DCC: variants seen among roughly 807,000 people sequenced by gnomAD.
DCC encodes the protein DCC netrin 1 receptor, also known as netrin receptor DCC.
In DCC, 58 loss-of-function variants were observed where a neutral mutation model predicts 172.5. The ratio of observed to expected loss-of-function variants is 0.34; its 90% CI spans 0.27 to 0.42. The LOEUF (loss-of-function observed/expected upper bound fraction) is 0.42, where lower values mean the gene tolerates loss of function less well. DCC is among the 10% of genes least tolerant of loss of function. The pLI is 1.00. For missense variants in DCC, 1,740 were observed against 1,791.0 expected, an observed-to-expected ratio of 0.97 and a Z score of 0.51; for synonymous variants, 709 against 644.5, an observed-to-expected ratio of 1.10 and a Z score of -1.52.
intron 15 of DCC, among the ~76,000 whole-genome samples, chr18:53,355,178 G>A (rs987723572): frequency 6.6e-6 from 1 of 151,984 alleles, no homozygotes; most frequent in Non-Finnish European, 1.5e-5. Flanking sequence ...GTTACTGTAG[G>A]CTTGTAGTAT....
chr18:53,498,248 G>A (rs1236064380), intron 26 of DCC, among the ~76,000 whole-genome samples: 2 of 152,182 alleles, frequency 1.3e-5, no homozygotes, highest in East Asian at 3.9e-4. Flanking sequence ...GAGCCTCCGG[G>A]AGACTTGTCT....
At chr18:52,850,631 C>A (rs529224476) in intron 2 of DCC, among the ~76,000 whole-genome samples, 1 of 152,186 alleles carries the variant, frequency 6.6e-6, no homozygotes, top group African/African-American at 2.4e-5. Context: ...TTTTTCCCCA[C>A]TTATTCCTTG....
At chr18:52,345,921 A>G (rs1415927475) in intron 1 of DCC, among the ~76,000 whole-genome samples, 2 of 152,206 alleles carry the variant, frequency 1.3e-5, no homozygotes, top group African/African-American at 2.4e-5. Flanking sequence ...AGTGAGCTCT[A>G]TAAGATAATA....
At chr18:53,497,758 T>C (rs978318476) in intron 26 of DCC, among the ~76,000 whole-genome samples, 4 of 152,226 alleles carry the variant, frequency 2.6e-5, no homozygotes, top group Admixed American at 2.0e-4. Context: ...ACCAAGGATT[T>C]GCCTTAATGG....
At chr18:53,121,946 T>C (rs2043489437) in intron 7 of DCC, among the ~76,000 whole-genome samples, 1 of 151,934 alleles carries the variant, frequency 6.6e-6, no homozygotes, top group Non-Finnish European at 1.5e-5. Context: ...CACTCAGTGA[T>C]AAATACCCTG....
intron 11 of DCC, among the ~76,000 whole-genome samples, chr18:53,210,000 C>T (rs2055722165): frequency 6.6e-6 from 1 of 152,212 alleles, no homozygotes; most frequent in African/African-American, 2.4e-5. Context: ...CAATAAACAT[C>T]ACTGTGCAAA....
chr18:52,389,455 G>C (rs1219385486), intron 1 of DCC, among the ~76,000 whole-genome samples: 1 of 152,062 alleles, frequency 6.6e-6, no homozygotes, highest in Non-Finnish European at 1.5e-5. Flanking sequence ...TAACGCAGTA[G>C]GTGGAGGCTA....
At chr18:53,394,463 T>A (rs1444165609) in intron 17 of DCC, among the ~76,000 whole-genome samples, 1 of 152,202 alleles carries the variant, frequency 6.6e-6, no homozygotes, top group East Asian at 1.9e-4. Flanking sequence ...TAAAACCCTG[T>A]ATTAACTTTC....
chr18:53,453,782 A>G (rs553118991), intron 23 of DCC, among the ~76,000 whole-genome samples: 43 of 152,280 alleles, frequency 2.8e-4, no homozygotes, highest in African/African-American at 9.4e-4. Flanking sequence ...CTTTAAATAT[A>G]ATGATAATTT....
chr18:53,309,940 ATATACATG>A (rs1165067744), intron 13 of DCC, among the ~76,000 whole-genome samples: 2 of 137,708 alleles, frequency 1.5e-5, no homozygotes, highest in Non-Finnish European at 3.1e-5. Context: ...ATATATATAT[ATATACATG>A]TATATATACG....
chr18:53,199,801 G>A (rs1373215784), intron 9 of DCC, among the ~76,000 whole-genome samples: 2 of 151,790 alleles, frequency 1.3e-5, no homozygotes, highest in Admixed American at 1.3e-4. Flanking sequence ...TCAGAGCACT[G>A]ATATTTTATA....
chr18:52,659,889 T>C (rs2035324355), intron 1 of DCC, among the ~76,000 whole-genome samples: 1 of 152,032 alleles, frequency 6.6e-6, no homozygotes, highest in Admixed American at 6.6e-5. Flanking sequence ...GATTATAACA[T>C]TCATATAGAA....
At chr18:53,008,460 T>C (rs1268922544) in intron 5 of DCC, among the ~76,000 whole-genome samples, 1 of 152,064 alleles carries the variant, frequency 6.6e-6, no homozygotes, top group Admixed American at 6.6e-5. Context: ...AAAGAATATA[T>C]TCTCTGGGGA....
chr18:52,569,244 AC>A (rs1191928813), intron 1 of DCC, among the ~76,000 whole-genome samples: 16 of 152,214 alleles, frequency 1.1e-4, no homozygotes, highest in African/African-American at 3.9e-4. Flanking sequence ...AGTAAGACAC[AC>A]CTGGGTCTAT....
chr18:52,870,905 T>C (rs2039309451), intron 2 of DCC, among the ~76,000 whole-genome samples: 1 of 152,156 alleles, frequency 6.6e-6, no homozygotes, highest in South Asian at 2.1e-4. Flanking sequence ...AGGCTCGCTC[T>C]TTACTGCAAT....
chr18:53,000,447 T>C (rs933270335), intron 5 of DCC, among the ~76,000 whole-genome samples: 3 of 151,978 alleles, frequency 2.0e-5, no homozygotes, highest in African/African-American at 7.2e-5. Context: ...ACGTAAAACT[T>C]GGTGTCTGCA....
At chr18:52,673,026 G>A (rs2035581721) in intron 1 of DCC, among the ~76,000 whole-genome samples, 2 of 152,292 alleles carry the variant, frequency 1.3e-5, no homozygotes, top group Non-Finnish European at 2.9e-5. Context: ...TTGCTCCACT[G>A]CACTCTAGCC....
intron 5 of DCC, among the ~76,000 whole-genome samples, chr18:52,969,136 T>C (rs1304388719): frequency 1.3e-5 from 2 of 152,176 alleles, no homozygotes; most frequent in East Asian, 3.9e-4. Context: ...ATGCTTTTCC[T>C]GGACAATTTA....
At chr18:53,078,514 A>C (rs2144127381) in intron 7 of DCC, among the ~76,000 whole-genome samples, 1 of 152,234 alleles carries the variant, frequency 6.6e-6, no homozygotes, top group South Asian at 2.1e-4. Flanking sequence ...AGAATGACAA[A>C]GCTTCTATTG....
Sources: gnomAD v4.1 joint callset for allele counts (sites outside exome capture counted in the v4.1 genomes callset) on GRCh38, gnomAD v4.1.1 for gene constraint, MANE v1.5 for transcripts, NCBI Gene and HGNC (gene_info 2026-07-23, HGNC 2026-07-21) for gene names.